The following KIAA1958 variants were observed in gnomAD, a reference collection of about 807,000 sequenced individuals.
KIAA1958 encodes the protein uncharacterized protein KIAA1958.
A neutral mutation model predicts 47.2 loss-of-function variants in KIAA1958; 14 were observed. The observed-to-expected ratio is 0.30, with a 90% CI of 0.20 to 0.46. The LOEUF (loss-of-function observed/expected upper bound fraction) is 0.46, where lower values mean the gene tolerates loss of function less well. Among genes scored for constraint, KIAA1958 ranks in the 20% least tolerant of loss-of-function variants. The pLI, the probability that KIAA1958 is intolerant of heterozygous loss-of-function variation, is 1.00. For missense variants in KIAA1958, 803 were observed against 909.2 expected (o/e 0.88, Z 1.50); for synonymous variants, 354 against 353.3 (o/e 1.00, Z -0.02).
intron 1 of KIAA1958, among the ~76,000 whole-genome samples, chr9:112,552,789 A>G (rs1486173224): frequency 6.6e-6 from 1 of 152,182 alleles, no homozygotes; most frequent in Non-Finnish European, 1.5e-5. Context: ...ATTCATGATC[A>G]TCTTCAACAA....
chr9:112,608,034 T>C (rs1296985282), intron 2 of KIAA1958, among the ~76,000 whole-genome samples: 1 of 152,220 alleles, frequency 6.6e-6, no homozygotes, highest in East Asian at 1.9e-4. Flanking sequence ...GAGGACAAAC[T>C]TAGCCAGCTG....
Position 112,569,518 on chromosome 9 carries a change from A to G in KIAA1958, c.-24-4539A>G, listed in dbSNP as rs560964963. 2.6e-5 allele frequency among the ~76,000 whole-genome samples: 4 copies of G among 152,338 alleles called. No individual in the cohort carries two copies. The South Asian group carries it at 8.3e-4, about 32-fold the overall frequency. ...TTTAACTGAAGTTTGTATCATTGCCATATCATTGTAGCCAATCAGCTCATC... is the reference window on the plus strand; with the variant it reads ...TTTAACTGAAGTTTGTATCATTGCCGTATCATTGTAGCCAATCAGCTCATC... On this transcript the variant is annotated intron_variant, in intron 1 of 3. Coordinates refer to ENST00000337530, the MANE Select transcript of KIAA1958 (RefSeq NM_133465.4).
At chr9:112,637,121 C>T (rs1422450753) in intron 2 of KIAA1958, among the ~76,000 whole-genome samples, 1 of 152,000 alleles carries the variant, frequency 6.6e-6, no homozygotes, top group Non-Finnish European at 1.5e-5. Context: ...CTTCAGTTAC[C>T]CTTATTTGTG....
intron 2 of KIAA1958, among the ~76,000 whole-genome samples, chr9:112,633,067 C>T (rs1836739539): frequency 6.6e-6 from 1 of 152,044 alleles, no homozygotes; most frequent in South Asian, 2.1e-4. Flanking sequence ...GAATTAGAGT[C>T]TTTATTATAC....
At chr9:112,541,616 C>A (rs918800381) in intron 1 of KIAA1958, among the ~76,000 whole-genome samples, 1 of 152,000 alleles carries the variant, frequency 6.6e-6, no homozygotes, top group Non-Finnish European at 1.5e-5. Flanking sequence ...CCAGCCCGTC[C>A]AACATGGTGA....
intron 1 of KIAA1958, among the ~76,000 whole-genome samples, chr9:112,515,968 A>G (rs888727805): frequency 6.0e-5 from 9 of 149,888 alleles, no homozygotes; most frequent in South Asian, 2.1e-4. Flanking sequence ...TGGAGTTTCT[A>G]GACAGTGAAA....
chr9:112,588,290 A>T (rs1835864097), intron 2 of KIAA1958, among the ~76,000 whole-genome samples: 2 of 152,162 alleles, frequency 1.3e-5, no homozygotes, highest in Admixed American at 1.3e-4. Context: ...TTTCATCCCG[A>T]TGAGTTTCAC....
chr9:112,659,735 G>A lies in KIAA1958; in HGVS notation c.1817G>A (p.Arg606Gln), dbSNP rs373037477. 53 of 1,614,046 alleles carry A rather than the reference G, an allele frequency of 3.3e-5. No homozygotes were observed. Among genetic ancestry groups the A allele is most frequent in the Admixed American group, 1.5e-4 (9 of 59,998 alleles). The change falls in exon 4 of 4, where the codon CGG becomes CAG. Residue 606 changes from arginine to glutamine, a missense_variant. Arg to Gln is a conservative substitution (Grantham distance 43, BLOSUM62 1). This residue lies in a region of KIAA1958 where 761 missense variants were observed against 829.3 expected (regional missense o/e 0.92). Coordinates refer to ENST00000337530, the MANE Select transcript of KIAA1958 (RefSeq NM_133465.4). Reference sequence around the variant, plus strand: ...ACGGACAGCGTCAAGCGGGAGAGTCGGAGCGGCTCCACCAGAGTGTGTCAC... The same window carrying A: ...ACGGACAGCGTCAAGCGGGAGAGTCAGAGCGGCTCCACCAGAGTGTGTCAC... Reference protein sequence around the residue: ...ARTDSVKRESRSGSTRVCHGK... With the variant: ...ARTDSVKRESQSGSTRVCHGK...
chr9:112,575,572 T>C (rs1470366920), intron 2 of KIAA1958, among the ~76,000 whole-genome samples: 2 of 152,118 alleles, frequency 1.3e-5, no homozygotes. Context: ...GTTTTAAAAA[T>C]ATGCTTCTCC....
At chr9:112,603,714 C>T (rs2131202352) in intron 2 of KIAA1958, among the ~76,000 whole-genome samples, 1 of 152,286 alleles carries the variant, frequency 6.6e-6, no homozygotes, top group South Asian at 2.1e-4. Flanking sequence ...TGTTCATAAC[C>T]ATCAGGGACT....
chr9:112,518,868 A>G (rs1031955474), intron 1 of KIAA1958, among the ~76,000 whole-genome samples: 1 of 140,202 alleles, frequency 7.1e-6, no homozygotes, highest in Non-Finnish European at 1.5e-5. Context: ...GGAGCTAAAG[A>G]AAAAAAAAAA....
chr9:112,628,712 G>A (rs971867994), intron 2 of KIAA1958, among the ~76,000 whole-genome samples: 13 of 152,044 alleles, frequency 8.6e-5, no homozygotes, highest in South Asian at 2.1e-4. Flanking sequence ...TGGGTCTTAC[G>A]TACATTTTGT....
At chr9:112,543,271 C>T (rs906631892) in intron 1 of KIAA1958, among the ~76,000 whole-genome samples, 3 of 151,910 alleles carry the variant, frequency 2.0e-5, no homozygotes, top group Non-Finnish European at 4.4e-5. Flanking sequence ...CAGTAAAACA[C>T]ATTGTGGGTG....
intron 1 of KIAA1958, among the ~76,000 whole-genome samples, chr9:112,549,148 G>T (rs559366770): frequency 6.6e-6 from 1 of 152,162 alleles, no homozygotes; most frequent in East Asian, 1.9e-4. Flanking sequence ...ATAGTGTTTA[G>T]TTTTCTGACA....
chr9:112,581,420 C>G (rs1835732816), intron 2 of KIAA1958, among the ~76,000 whole-genome samples: 1 of 152,128 alleles, frequency 6.6e-6, no homozygotes, highest in Admixed American at 6.5e-5. Context: ...CATTTGTCTA[C>G]TAAAATATGG....
Position 112,563,031 on chromosome 9 carries a change from CTCTCTCTCTCTT to C in KIAA1958, c.-24-11014_-24-11003del, listed in dbSNP as rs1439096593. ...TCCCTTTCATCTTAACTTTCTGTCT[CTCTCTCTCTCTT>C]TCTCTCTCTCTCTCTGTCTCTGTCT... On this transcript the variant is annotated intron_variant, in intron 1 of 3. Coordinates refer to ENST00000337530, the MANE Select transcript of KIAA1958 (RefSeq NM_133465.4). Among the ~76,000 whole-genome samples, 5 of 144,516 alleles carry C rather than the reference CTCTCTCTCTCTT, an allele frequency of 3.5e-5. No homozygotes were observed. In the East Asian group the frequency reaches 1.0e-3, roughly 29 times the overall value. The allele number at this position is 144,516 out of a possible 152,430, so 94.8% of individuals were successfully genotyped here.
At chr9:112,523,802 T>A (rs916931582) in intron 1 of KIAA1958, among the ~76,000 whole-genome samples, 1 of 152,108 alleles carries the variant, frequency 6.6e-6, no homozygotes, top group African/African-American at 2.4e-5. Context: ...AACACTTAGG[T>A]TTGTAGGTGA....
intron 1 of KIAA1958, among the ~76,000 whole-genome samples, chr9:112,564,731 C>A (rs1835398936): frequency 6.6e-6 from 1 of 152,082 alleles, no homozygotes; most frequent in South Asian, 2.1e-4. Flanking sequence ...CTTACAAATT[C>A]AACTTAAATC....
At chr9:112,552,866 A>C (rs1275288870) in intron 1 of KIAA1958, among the ~76,000 whole-genome samples, 1 of 152,146 alleles carries the variant, frequency 6.6e-6, no homozygotes, top group African/African-American at 2.4e-5. Context: ...GTACCATTCA[A>C]GTTGGCATGG....
Sources: allele counts gnomAD v4.1 joint callset (sites outside exome capture counted in the v4.1 genomes callset), GRCh38; gene constraint gnomAD v4.1.1; regional missense constraint gnomAD v4.1.1; transcripts MANE v1.5; gene names NCBI Gene and HGNC (gene_info 2026-07-23, HGNC 2026-07-21).